The following TFCP2L1 variants were observed in gnomAD, a reference collection of about 807,000 sequenced individuals.
TFCP2L1 encodes the protein transcription factor CP2 like 1.
TFCP2L1 carries 12 observed loss-of-function variants against 72.2 expected under a neutral mutation model. The ratio of observed to expected loss-of-function variants is 0.17; its 90% CI spans 0.11 to 0.27. The LOEUF is 0.27. TFCP2L1 is among the 10% of genes least tolerant of loss of function. The pLI is 1.00. For missense variants in TFCP2L1, 488 were observed against 624.6 expected (o/e 0.78, Z 2.33); for synonymous variants, 260 against 251.0 (o/e 1.04, Z -0.34).
chr2:121,251,323 C>A (rs1350641440), intron 2 of TFCP2L1, among the ~76,000 whole-genome samples: 1 of 152,008 alleles, frequency 6.6e-6, no homozygotes, highest in African/African-American at 2.4e-5. Flanking sequence ...ACGGTGGCAT[C>A]TGATGGAACC....
At chr2:121,284,318 CCAG>C (rs1438874582) in intron 1 of TFCP2L1, among the ~76,000 whole-genome samples, 2 of 152,178 alleles carry the variant, frequency 1.3e-5, no homozygotes, top group Admixed American at 6.5e-5. Flanking sequence ...TTAGTCCCGG[CCAG>C]CAGCAGAACA....
chr2:121,281,409 A>G (rs949151028), intron 1 of TFCP2L1, 138 bp from the exon 2 acceptor site: 1 of 888,160 alleles, frequency 1.1e-6, no homozygotes, highest in African/African-American at 1.7e-5. Flanking sequence ...TGCTGGCTGC[A>G]CTCCTGCAAC....
chr2:121,243,234 G>A (rs144718673), intron 6 of TFCP2L1, among the ~76,000 whole-genome samples: 8 of 152,350 alleles, frequency 5.3e-5, no homozygotes, highest in African/African-American at 9.6e-5. Flanking sequence ...TCCGAGCAGC[G>A]CTAGAACCGA....
intron 13 of TFCP2L1, among the ~76,000 whole-genome samples, chr2:121,227,303 G>C (rs573213640): frequency 6.6e-6 from 1 of 152,158 alleles, no homozygotes; most frequent in African/African-American, 2.4e-5. Flanking sequence ...TACTTCAATG[G>C]TTCTTTAACT....
intron 8 of TFCP2L1, among the ~76,000 whole-genome samples, 176 bp downstream of exon 8, chr2:121,239,382 G>C (rs1482794461): frequency 6.6e-6 from 1 of 152,218 alleles, no homozygotes; most frequent in Non-Finnish European, 1.5e-5. Context: ...ACGTTTACAG[G>C]GGTGTTTCTG....
chr2:121,225,543 G>A lies in TFCP2L1; in HGVS notation c.1393+19C>T. 6 of 1,613,556 alleles carry A rather than the reference G, an allele frequency of 3.7e-6. No homozygotes were observed. Among genetic ancestry groups the A allele is most frequent in the Non-Finnish European group, 5.1e-6 (6 of 1,179,684 alleles). On this transcript the variant is annotated intron_variant, in intron 14 of 14. Coordinates refer to ENST00000263707, the MANE Select transcript of TFCP2L1 (RefSeq NM_014553.3). ...TCACCTGCCCCCACAACTACCCTAG[G>A]GGGAGGGGGAGGCTTCACCTTTAAT...
At chr2:121,242,726 T>C (rs747400207) in intron 6 of TFCP2L1, among the ~76,000 whole-genome samples, 1 of 152,178 alleles carries the variant, frequency 6.6e-6, no homozygotes, top group African/African-American at 2.4e-5. Flanking sequence ...AAAAGGAAGC[T>C]TGGGGACCCA....
intron 7 of TFCP2L1, among the ~76,000 whole-genome samples, chr2:121,242,131 C>T (rs987000522): frequency 4.9e-5 from 7 of 142,836 alleles, no homozygotes; most frequent in African/African-American, 1.8e-4. Context: ...TGGGAAAGCA[C>T]AAATGCATTC....
At chr2:121,237,887 G>T in intron 8 of TFCP2L1, 37 bp from the exon 9 acceptor site, 1 of 1,610,860 alleles carries the variant, frequency 6.2e-7, no homozygotes, top group Non-Finnish European at 8.5e-7. Context: ...GGACAGAGGG[G>T]GCTCCCAGGG....
intron 2 of TFCP2L1, among the ~76,000 whole-genome samples, chr2:121,269,936 T>C (rs1202536059): frequency 1.6e-5 from 2 of 123,160 alleles, no homozygotes; most frequent in Non-Finnish European, 3.3e-5. Context: ...TATATATATA[T>C]GCAAAAGAAA....
intron 2 of TFCP2L1, among the ~76,000 whole-genome samples, chr2:121,260,634 C>T (rs929809479): frequency 2.0e-5 from 3 of 152,176 alleles, no homozygotes; most frequent in Non-Finnish European, 4.4e-5. Flanking sequence ...GGGATACACC[C>T]CCAGGCAGGG....
intron 2 of TFCP2L1, among the ~76,000 whole-genome samples, chr2:121,257,866 A>ACCCCTC (rs1232803154): frequency 6.8e-6 from 1 of 146,528 alleles, no homozygotes; most frequent in Non-Finnish European, 1.5e-5. Context: ...AACTTTGCCC[A>ACCCCTC]CCCCTCCCTC....
intron 12 of TFCP2L1, among the ~76,000 whole-genome samples, chr2:121,233,463 CCTA>C (rs1233583440): frequency 6.6e-6 from 1 of 152,220 alleles, no homozygotes; most frequent in Non-Finnish European, 1.5e-5. Context: ...CGGCGCCCAG[CCTA>C]CTTTTTCAAT....
chr2:121,240,118 AG>A (rs1433408305), intron 7 of TFCP2L1: 1 of 985,302 alleles, frequency 1.0e-6, no homozygotes. Context: ...ATTTGAAAAA[AG>A]AATCTGCTGA....
intron 2 of TFCP2L1, among the ~76,000 whole-genome samples, chr2:121,258,960 T>C (rs181818676): frequency 4.5e-4 from 68 of 152,322 alleles, no homozygotes; most frequent in Admixed American, 1.2e-3. Flanking sequence ...AGAGATCATG[T>C]TGTCTGCTCG....
At position 121,240,389 on chromosome 2, in the gene TFCP2L1, C is replaced by T. The variant is rs183824059; in HGVS notation, c.769-740G>A. On this transcript the variant is annotated intron_variant, in intron 7 of 14. Coordinates refer to ENST00000263707, the MANE Select transcript of TFCP2L1 (RefSeq NM_014553.3). ...TGAAAAAGTTCATCTCTTCCCTTCCCTGCGATGATGCCTCTTCAGAGAGGG... is the reference window on the plus strand; with the variant it reads ...TGAAAAAGTTCATCTCTTCCCTTCCTTGCGATGATGCCTCTTCAGAGAGGG... 9.4e-4 allele frequency: 926 copies of T among 985,458 alleles called. 1 individual carries two copies. Among genetic ancestry groups the T allele is most frequent in the Non-Finnish European group, 1.1e-3 (887 of 829,940 alleles). 61.0% of individuals were successfully genotyped at this position (985,458 alleles called of 1,614,324 possible).
intron 7 of TFCP2L1, among the ~76,000 whole-genome samples, chr2:121,241,772 C>A (rs76874242): frequency 0.038 from 5,849 of 152,220 alleles, 202 homozygotes; most frequent in East Asian, 0.13. Flanking sequence ...CCCGCATCCA[C>A]CAACAGGCCA....
chr2:121,243,708 T>A (rs1305409953), intron 6 of TFCP2L1, among the ~76,000 whole-genome samples: 1 of 151,650 alleles, frequency 6.6e-6, no homozygotes, highest in Non-Finnish European at 1.5e-5. Flanking sequence ...TAATGCCTGA[T>A]GATGGGTGAC....
chr2:121,269,892 G>C (rs1243550165), intron 2 of TFCP2L1, among the ~76,000 whole-genome samples: 1 of 85,056 alleles, frequency 1.2e-5, no homozygotes, highest in Non-Finnish European at 2.0e-5. Context: ...CTGGGTGACA[G>C]AGCAAGACTC....
Sources: allele counts gnomAD v4.1 joint callset (sites outside exome capture counted in the v4.1 genomes callset), GRCh38; gene constraint gnomAD v4.1.1; transcripts MANE v1.5; gene names NCBI Gene and HGNC (gene_info 2026-07-23, HGNC 2026-07-21).